Variants in SESN1 observed in about 807,000 individuals in gnomAD.
SESN1 encodes sestrin 1.
In SESN1, 30 loss-of-function variants were observed where a neutral mutation model predicts 59.3. That is an observed-to-expected ratio of 0.51 (90% confidence interval 0.38 to 0.69). The LOEUF is 0.69. SESN1 is among the 30% of genes least tolerant of loss of function. The pLI is 0.00. For missense variants in SESN1, 566 were observed against 673.0 expected (o/e 0.84, Z 1.76); for synonymous variants, 197 against 219.9 (o/e 0.90, Z 0.92).
chr6:109,041,073 G>A (rs1780333067), intron 1 of SESN1, among the ~76,000 whole-genome samples: 2 of 151,822 alleles, frequency 1.3e-5, no homozygotes, highest in African/African-American at 4.8e-5. Flanking sequence ...AGCTGAGGAA[G>A]GAGATTAGCA....
intron 1 of SESN1, among the ~76,000 whole-genome samples, chr6:109,042,530 C>T (rs1430490646): frequency 2.4e-5 from 3 of 123,316 alleles, no homozygotes; most frequent in Non-Finnish European, 5.2e-5. Flanking sequence ...AGGATTATTG[C>T]GAAAAAAAAA....
intron 1 of SESN1, among the ~76,000 whole-genome samples, chr6:109,045,914 ACT>A (rs1780423828): frequency 6.6e-6 from 1 of 152,198 alleles, no homozygotes; most frequent in South Asian, 2.1e-4. Context: ...ATATGGAAGA[ACT>A]CTGATTGAAA....
intron 1 of SESN1, among the ~76,000 whole-genome samples, chr6:109,044,145 C>T (rs1370495587): frequency 6.6e-6 from 1 of 151,180 alleles, no homozygotes; most frequent in Non-Finnish European, 1.5e-5. Context: ...GGAGACTCCA[C>T]TACTACAAAT....
At chr6:108,990,861 T>G (rs368091777) in intron 7 of SESN1, 26 bp from the exon 8 acceptor site, 40 of 1,589,512 alleles carry the variant, frequency 2.5e-5, no homozygotes, top group Non-Finnish European at 3.4e-5. Flanking sequence ...AGAACAAATG[T>G]GAATAAATGT....
rs1437018768 is a variant in SESN1 at position 109,093,844 on chromosome 6, G to C, written c.230C>G (p.Pro77Arg). The C allele has an allele frequency of 6.2e-7, 1 of 1,614,048 alleles. No homozygotes were observed. The highest frequency in any genetic ancestry group is 1.1e-5 in the South Asian group (1 of 91,076). The change falls in exon 1 of 10, where the codon CCC (proline) becomes CGC (arginine). Residue 77 changes from proline (P) to arginine (R), a missense_variant. Pro to Arg is a moderately radical substitution (Grantham distance 103). Coordinates refer to ENST00000436639, the MANE Select transcript of SESN1 (RefSeq NM_014454.3). ...AHLLMLSKRCPFKDVREKSEF... is the reference protein window; with the variant it reads ...AHLLMLSKRCRFKDVREKSEF... ...ACTTTTCTCTCTCACATCTTTGAAG[G>C]GACACCTCTTAGAAAGCATAAGCAG...
rs1308319847 is a variant in SESN1, at chr6:109,093,940, GTTTC to G, written c.130_133del (p.Glu44HisfsTer18). ...AAGCCCGTCTGATGGACGATGAGGT[GTTTC>G]TTTCACCGAACGAAGATACTCGGTT... On this transcript the variant is annotated frameshift_variant, in exon 1 of 10. Transcript: ENST00000436639. LOFTEE classifies it high-confidence loss of function. 1.2e-6 allele frequency: 2 copies of G among 1,614,080 alleles called. No individual in the cohort carries two copies. Among genetic ancestry groups the G allele is most frequent in the Admixed American group, 1.7e-5 (1 of 60,014 alleles).
chr6:109,062,171 T>A (rs898121493), intron 1 of SESN1, among the ~76,000 whole-genome samples: 1 of 152,162 alleles, frequency 6.6e-6, no homozygotes, highest in African/African-American at 2.4e-5. Context: ...ACTACAGGCA[T>A]GAGCCACCAT....
chr6:109,080,667 G>A (rs1781106297), intron 1 of SESN1, among the ~76,000 whole-genome samples: 1 of 152,142 alleles, frequency 6.6e-6, no homozygotes. Context: ...TTTACTGTTA[G>A]GAATCTTAAC....
At chr6:108,996,962 C>T (rs1264004764) in intron 5 of SESN1, among the ~76,000 whole-genome samples, 1 of 151,994 alleles carries the variant, frequency 6.6e-6, no homozygotes, top group Non-Finnish European at 1.5e-5. Context: ...CTGTATGATT[C>T]CAACTATATA....
intron 1 of SESN1, among the ~76,000 whole-genome samples, chr6:109,034,540 CCTT>C (rs1404803896): frequency 2.0e-5 from 3 of 152,190 alleles, no homozygotes; most frequent in Admixed American, 6.5e-5. Context: ...TCTATTCTCT[CCTT>C]CTTCTGTGGT....
In SESN1 at chr6:109,000,660, T is replaced by C. The variant is rs1405886915; in HGVS notation, c.560A>G (p.His187Arg). The C allele has an allele frequency of 1.3e-6, 2 of 1,593,520 alleles. No homozygotes were observed. The highest frequency in any genetic ancestry group is 2.3e-5 in the East Asian group (1 of 44,426). The part of the protein sequence containing the change: ...HYIGIMAAAR[H>R]QCSYLVNLHV... ...CAGGTTCACTAAGTAGGAGCACTGA[T>C]GTCTTGCCGCAGCCTTAAAACAAAA... is the stretch of plus-strand genomic sequence containing the variant. Residue 187 changes from histidine to arginine, a missense_variant, in exon 4 of 10, where the codon CAT becomes CGT. His to Arg is a conservative substitution (Grantham distance 29). Transcript: ENST00000436639.
chr6:108,992,795 G>A lies in SESN1; in HGVS notation c.1225C>T (p.Arg409Cys), dbSNP rs199611315. 9.3e-6 allele frequency: 15 copies of A among 1,609,582 alleles called. No homozygotes were observed. The highest frequency in any genetic ancestry group is 1.6e-4 in the Middle Eastern group (1 of 6,078). The change falls in exon 7 of 10, where the codon CGT (arginine) becomes TGT (cysteine). Residue 409 changes from arginine (R) to cysteine (C), a missense_variant. Arg to Cys is a radical substitution (Grantham distance 180, BLOSUM62 -3). Transcript: ENST00000436639. Reference sequence around the variant, plus strand: ...ACAAGTTGCAATTTTACCTGGACACGAAATGTTGGAACATGCATCCCATGT... The same window carrying A: ...ACAAGTTGCAATTTTACCTGGACACAAAATGTTGGAACATGCATCCCATGT... The part of the protein sequence containing the change: ...SRHGMHVPTF[R>C]VQDYCWEDHG...
intron 1 of SESN1, among the ~76,000 whole-genome samples, chr6:109,053,209 T>A (rs1270705490): frequency 6.6e-6 from 1 of 152,164 alleles, no homozygotes; most frequent in Non-Finnish European, 1.5e-5. Context: ...TATTTGATAA[T>A]CACAGCATCT....
At chr6:109,047,538 C>T (rs1279944934) in intron 1 of SESN1, among the ~76,000 whole-genome samples, 21 of 133,440 alleles carry the variant, frequency 1.6e-4, no homozygotes, top group Non-Finnish European at 3.4e-4. Context: ...TGCCCGGCCG[C>T]CCCTACTGGG....
chr6:108,985,609 C>CTAAG lies in SESN1; in HGVS notation c.*1931_*1934dup, dbSNP rs1779161997. Among the ~76,000 whole-genome samples, 1 of 152,138 alleles carries CTAAG rather than the reference C, an allele frequency of 6.6e-6. No individual in the cohort carries two copies. The highest frequency in any genetic ancestry group is 2.1e-4 in the South Asian group (1 of 4,826). ...CTCATTAAAATTTTGATTTCAATTT[C>CTAAG]TAAGTGATTATAAGTTCCAGTGGAC... On this transcript the variant is annotated 3_prime_UTR_variant, in exon 10 of 10. Coordinates refer to ENST00000436639, the MANE Select transcript of SESN1 (RefSeq NM_014454.3).
At chr6:109,016,273 A>G (rs1267515278) in intron 1 of SESN1, among the ~76,000 whole-genome samples, 1 of 152,232 alleles carries the variant, frequency 6.6e-6, no homozygotes, top group Non-Finnish European at 1.5e-5. Flanking sequence ...TGTTTATAAC[A>G]GCTATCCTGC....
intron 1 of SESN1, among the ~76,000 whole-genome samples, chr6:109,025,945 A>G (rs1780086104): frequency 6.6e-6 from 1 of 150,464 alleles, no homozygotes; most frequent in Non-Finnish European, 1.5e-5. Context: ...TAAAGACACC[A>G]ATACTCTTTT....
chr6:109,094,380 T>C lies in SESN1; in HGVS notation c.-307A>G. The stretch of plus-strand genomic sequence containing the variant: ...TTTCGGGGAAGCGTTCTCCTCCGTC[T>C]CGCGGGGTCAGTGGATATCCTCACG... On this transcript the variant is annotated 5_prime_UTR_variant, in exon 1 of 10. Coordinates refer to ENST00000436639, the MANE Select transcript of SESN1 (RefSeq NM_014454.3). 2.5e-6 allele frequency: 1 copy of C among 404,338 alleles called. No homozygotes were observed. Among genetic ancestry groups the C allele is most frequent in the South Asian group, 2.8e-5 (1 of 36,094 alleles). 25.0% of individuals were successfully genotyped at this position (404,338 alleles called of 1,614,324 possible). A position where few individuals can be genotyped will look rare whatever the true frequency, so the allele number is the denominator to read the frequency against.
chr6:109,051,539 GT>G (rs1428426495), intron 1 of SESN1, among the ~76,000 whole-genome samples: 1 of 152,090 alleles, frequency 6.6e-6, no homozygotes, highest in Non-Finnish European at 1.5e-5. Flanking sequence ...CAAAGATGGG[GT>G]TCTAAAGTAT....
Sources: allele counts gnomAD v4.1 joint callset (sites outside exome capture counted in the v4.1 genomes callset), GRCh38; gene constraint gnomAD v4.1.1; transcripts MANE v1.5; gene names NCBI Gene and HGNC (gene_info 2026-07-23, HGNC 2026-07-21).